ACTN3: variants seen among roughly 807,000 people sequenced by gnomAD.
ACTN3 encodes the protein alpha-actinin-3.
A neutral mutation model predicts 119.6 loss-of-function variants in ACTN3; 91 were observed. The observed-to-expected ratio is 0.76, with a 90% CI of 0.64 to 0.91. ACTN3 has a LOEUF of 0.91. Ranked by LOEUF, ACTN3 falls within the 40% of genes least tolerant of loss-of-function variation. The pLI is 0.00. For synonymous variants in ACTN3, 456 were observed against 478.8 expected, an observed-to-expected ratio of 0.95 and a Z score of 0.62; for missense variants, 1,221 against 1,215.1, an observed-to-expected ratio of 1.00 and a Z score of -0.07.
At chr11:66,552,917 G>C (rs1364349906) in intron 3 of ACTN3, among the ~76,000 whole-genome samples, 1 of 145,870 alleles carries the variant, frequency 6.9e-6, no homozygotes, top group African/African-American at 2.6e-5. Flanking sequence ...CACACAAAGA[G>C]AAAACTCCAT....
At chr11:66,548,780 G>A (rs1240768907) in intron 1 of ACTN3, among the ~76,000 whole-genome samples, 1 of 152,056 alleles carries the variant, frequency 6.6e-6, no homozygotes, top group Non-Finnish European at 1.5e-5. Flanking sequence ...GCTGTTTCAG[G>A]TGCTGGAATT....
chr11:66,560,558 G>C lies in ACTN3; in HGVS notation c.1678-15G>C. 1 of 1,601,300 alleles carries C rather than the reference G, an allele frequency of 6.2e-7. No individual in the cohort carries two copies. Among genetic ancestry groups the C allele is most frequent in the Non-Finnish European group, 8.5e-7 (1 of 1,173,894 alleles). ...TGGGGGACACCAGCTGACACTTCCT[G>C]CCTGTCGTCCCCAGAGCCTGCTGAC... On this transcript the variant is annotated splice_polypyrimidine_tract_variant and intron_variant, in intron 14 of 20. Coordinates refer to ENST00000513398, the MANE Select transcript of ACTN3 (RefSeq NM_001104.4).
intron 1 of ACTN3, among the ~76,000 whole-genome samples, chr11:66,550,547 G>A (rs772436906): frequency 6.6e-6 from 1 of 152,198 alleles, no homozygotes; most frequent in Non-Finnish European, 1.5e-5. Flanking sequence ...TTGAGCCCAG[G>A]AGCTTGAGAC....
intron 1 of ACTN3, chr11:66,550,913 G>T (rs1380181105): frequency 2.4e-6 from 1 of 415,840 alleles, no homozygotes; most frequent in Admixed American, 3.2e-5. Context: ...ACCTCAGAGG[G>T]CCCCACATTT....
In ACTN3 at chr11:66,561,607, C is replaced by G. The variant is rs745604299; in HGVS notation, c.2145C>G (p.Phe715Leu). ...DHQLLQESLV[F>L]DNKHTVYSME... ...AGCTGCTGCAGGAGAGCCTGGTGTT[C>G]GACAATAAGCACACCGTCTACAGCA... Residue 715 changes from phenylalanine (F) to leucine (L), a missense_variant, in exon 17 of 21, where the codon TTC (phenylalanine) becomes TTG (leucine). This residue lies in a region of ACTN3 where 934 missense variants were observed against 899.9 expected (regional missense o/e 1.04). Transcript: ENST00000513398. 1.3e-5 allele frequency: 21 copies of G among 1,612,628 alleles called. No individual in the cohort carries two copies. The South Asian group carries it at 1.9e-4, about 14-fold the overall frequency.
chr11:66,557,588 A>G, intron 9 of ACTN3, 111 bp from the exon 10 acceptor site: 1 of 1,151,740 alleles, frequency 8.7e-7, no homozygotes, highest in Non-Finnish European at 1.2e-6. Flanking sequence ...TAGTTGTCAA[A>G]GTCACCCCCA....
upstream of ACTN3, chr11:66,546,657 C>A: frequency 6.5e-7 from 1 of 1,529,838 alleles, no homozygotes; most frequent in Non-Finnish European, 8.8e-7. Flanking sequence ...AGAGAGGTCC[C>A]GTGGATTTCT....
At chr11:66,557,656 T>G (rs1203043109) in intron 9 of ACTN3, 43 bp from the exon 10 acceptor site, 1 of 1,564,890 alleles carries the variant, frequency 6.4e-7, no homozygotes, top group Non-Finnish European at 8.7e-7. Context: ...GCTGGGCAGG[T>G]CAGCGCAGAG....
At chr11:66,562,649 C>T in intron 19 of ACTN3, 147 bp from the exon 20 acceptor site, 3 of 948,304 alleles carry the variant, frequency 3.2e-6, no homozygotes, top group South Asian at 3.3e-5. Context: ...GGACTTCCTA[C>T]AGCCAGGGCT....
intron 12 of ACTN3, among the ~76,000 whole-genome samples, chr11:66,559,587 T>A (rs1445916841): frequency 9.6e-6 from 1 of 103,990 alleles, no homozygotes; most frequent in Non-Finnish European, 1.8e-5. Flanking sequence ...CTGCTCACAC[T>A]CTTCCCACTG....
chr11:66,547,531 G>A (rs112795925), intron 1 of ACTN3, among the ~76,000 whole-genome samples: 5,210 of 152,152 alleles, frequency 0.034, 295 homozygotes, highest in East Asian at 0.14. Context: ...ACCCCACCTC[G>A]TCTCCAGGGT....
In ACTN3 at chr11:66,554,102, G is replaced by A. The variant is rs774285672; in HGVS notation, c.440G>A (p.Arg147His). 9.3e-6 allele frequency: 15 copies of A among 1,613,682 alleles called. No homozygotes were observed. Among genetic ancestry groups the A allele is most frequent in the East Asian group, 4.5e-5 (2 of 44,842 alleles). Residue 147 changes from arginine to histidine, a missense_variant, in exon 4 of 21, where the codon CGC (arginine) becomes CAC (histidine). Coordinates refer to ENST00000513398, the MANE Select transcript of ACTN3 (RefSeq NM_001104.4). ...GGCATGATCTGGACCATCATCCTTC[G>A]CTTCGCCATCCAGGACATCTCTGTG... ...TLGMIWTIIL[R>H]FAIQDISVEE...
At chr11:66,548,941 C>T (rs895431915) in intron 1 of ACTN3, among the ~76,000 whole-genome samples, 5 of 152,172 alleles carry the variant, frequency 3.3e-5, no homozygotes, top group South Asian at 2.1e-4. Context: ...CCTTCTGCCA[C>T]GCCAAGCCAT....
chr11:66,546,863 G>C (rs1180591522), upstream of ACTN3: 7 of 1,509,708 alleles, frequency 4.6e-6, no homozygotes, highest in African/African-American at 2.8e-5. Context: ...ATCTGGGGCT[G>C]GGCTGGGCCC....
Position 66,560,270 on chromosome 11 carries a change from C to G in ACTN3, c.1636C>G (p.Leu546Val), listed in dbSNP as rs747848891. Residue 546 changes from leucine (L) to valine (V), a missense_variant, in exon 14 of 21, where the codon CTG becomes GTG. Transcript: ENST00000513398. ...CTGGCTGGATGGTGCCGTGGAGGAC[C>G]TGCAGGACGTGTGGCTGGTACACTC... ...NNWLDGAVEDLQDVWLVHSVE... is the reference protein window; with the variant it reads ...NNWLDGAVEDVQDVWLVHSVE... 3.7e-6 allele frequency: 6 copies of G among 1,613,242 alleles called. No individual in the cohort carries two copies. Among genetic ancestry groups the G allele is most frequent in the Non-Finnish European group, 5.1e-6 (6 of 1,179,700 alleles).
In ACTN3 at chr11:66,546,906, C is replaced by A; in HGVS notation, c.-32C>A. The A allele has an allele frequency of 6.6e-7, 1 of 1,525,498 alleles. No homozygotes were observed. Among genetic ancestry groups the A allele is most frequent in the South Asian group, 1.3e-5 (1 of 77,166 alleles). 94.5% of individuals were successfully genotyped at this position (1,525,498 alleles called of 1,614,324 possible). A position where few individuals can be genotyped will look rare whatever the true frequency, so the allele number is the denominator to read the frequency against. On this transcript the variant is annotated 5_prime_UTR_variant, in exon 1 of 21. Coordinates refer to ENST00000513398, the MANE Select transcript of ACTN3 (RefSeq NM_001104.4). The stretch of plus-strand genomic sequence containing the variant: ...TGGGGCCCGGGTGTCCGAGAGCGTG[C>A]CGAGCGGAGCGAAGCCAGGAGCCCG...
rs780390836 is a variant in ACTN3 at position 66,557,863 on chromosome 11, A to G, written c.1062A>G (p.Thr354=). The G allele has an allele frequency of 1.4e-5, 22 of 1,614,034 alleles. No individual in the cohort carries two copies. Among genetic ancestry groups the G allele is most frequent in the Non-Finnish European group, 1.8e-5 (21 of 1,180,008 alleles). The change falls in exon 10 of 21, where the codon ACA becomes ACG. Residue 354 remains threonine, a synonymous_variant. Coordinates refer to ENST00000513398, the MANE Select transcript of ACTN3 (RefSeq NM_001104.4). ...EKCQLEINFN[T]LQTKLRLSHR... ...GCCAGCTGGAGATCAACTTCAACAC[A>G]CTGCAGACCAAGTTGCGGCTCAGCC...
intron 1 of ACTN3, among the ~76,000 whole-genome samples, chr11:66,548,757 ACC>A (rs1460667137): frequency 9.9e-5 from 15 of 152,176 alleles, no homozygotes; most frequent in Non-Finnish European, 2.1e-4. Flanking sequence ...CTGATGTCTT[ACC>A]ATGTGCCAGC....
At chr11:66,549,732 CAAAAAAA>C (rs61393902) in intron 1 of ACTN3, among the ~76,000 whole-genome samples, 20 of 43,028 alleles carry the variant, frequency 4.6e-4, no homozygotes, top group African/African-American at 1.8e-3. Flanking sequence ...ACTCTGTCTC[CAAAAAAA>C]AAAAAAAAAA....
Sources: gnomAD v4.1 joint callset for allele counts (sites outside exome capture counted in the v4.1 genomes callset) on GRCh38, gnomAD v4.1.1 for gene constraint, gnomAD v4.1.1 regional missense constraint, MANE v1.5 for transcripts, NCBI Gene and HGNC (gene_info 2026-07-23, HGNC 2026-07-21) for gene names.